Variants in NBEA observed in about 807,000 individuals in gnomAD.
NBEA encodes the protein lysosomal-trafficking regulator 2.
In NBEA, 44 loss-of-function variants were observed where a neutral mutation model predicts 343.4. The observed-to-expected ratio is 0.13, with a 90% CI of 0.10 to 0.16. The LOEUF (loss-of-function observed/expected upper bound fraction) is 0.16. Among genes scored for constraint, NBEA ranks in the 10% least tolerant of loss-of-function variants. The pLI is 1.00. For synonymous variants in NBEA, 1,175 were observed against 1,238.7 expected (o/e 0.95, Z 1.08); for missense variants, 2,555 against 3,631.3 (o/e 0.70, Z 7.62).
intron 41 of NBEA, among the ~76,000 whole-genome samples, chr13:35,544,006 G>A (rs947843699): frequency 6.6e-6 from 1 of 152,108 alleles, no homozygotes. Context: ...TCATATGAGT[G>A]TGGACCTGAA....
At chr13:35,473,278 A>G (rs2075733709) in intron 41 of NBEA, among the ~76,000 whole-genome samples, 1 of 152,116 alleles carries the variant, frequency 6.6e-6, no homozygotes. Flanking sequence ...CAATTTGCAA[A>G]CTTCTATTCT....
chr13:35,413,178 G>T (rs2043694516), intron 38 of NBEA, among the ~76,000 whole-genome samples: 1 of 152,086 alleles, frequency 6.6e-6, no homozygotes, highest in South Asian at 2.1e-4. Context: ...TAAGTTCAAA[G>T]TGATAGAAAA....
At chr13:35,658,876 G>T (rs1057352757) in intron 55 of NBEA, among the ~76,000 whole-genome samples, 1 of 152,014 alleles carries the variant, frequency 6.6e-6, no homozygotes, top group Non-Finnish European at 1.5e-5. Context: ...CATCTGTGTC[G>T]GTCTCTTCAC....
At chr13:35,380,554 T>TA (rs2041963840) in intron 38 of NBEA, among the ~76,000 whole-genome samples, 1 of 152,158 alleles carries the variant, frequency 6.6e-6, no homozygotes, top group African/African-American at 2.4e-5. Flanking sequence ...GAAGCTGCTG[T>TA]AAAAAATATC....
At chr13:34,987,341 T>C (rs1001243183) in intron 1 of NBEA, among the ~76,000 whole-genome samples, 1 of 151,168 alleles carries the variant, frequency 6.6e-6, no homozygotes, top group Non-Finnish European at 1.5e-5. Context: ...TTCTGGCTTG[T>C]AGAGTTTCTG....
chr13:35,642,701 T>C (rs1226413755), intron 49 of NBEA, among the ~76,000 whole-genome samples: 1 of 152,166 alleles, frequency 6.6e-6, no homozygotes, highest in Admixed American at 6.6e-5. Context: ...TGATGTGGTA[T>C]TGCCTGATCT....
chr13:35,643,409 A>G (rs1443464803), intron 49 of NBEA, among the ~76,000 whole-genome samples: 3 of 152,194 alleles, frequency 2.0e-5, no homozygotes, highest in African/African-American at 7.2e-5. Context: ...CTTGGCATAG[A>G]GTAAGCATTC....
intron 33 of NBEA, among the ~76,000 whole-genome samples, chr13:35,212,549 G>A (rs2073841436): frequency 6.6e-6 from 1 of 152,028 alleles, no homozygotes; most frequent in African/African-American, 2.4e-5. Flanking sequence ...TAGATAATTT[G>A]GAGTGTAATT....
Position 35,649,771 on chromosome 13 carries a change from C to A in NBEA, c.7887C>A (p.Pro2629=). The A allele has an allele frequency of 6.2e-7, 1 of 1,613,992 alleles. No individual in the cohort carries two copies. The highest frequency in any genetic ancestry group is 8.5e-7 in the Non-Finnish European group (1 of 1,179,886). ...PVTHVAANTL[P]HLTIPAVVTV... is the part of the protein sequence containing the mutation. ...CCCATGTGGCAGCCAACACTCTGCC[C>A]CACTTGACCATCCCCGCAGTGGTGA... is the stretch of plus-strand genomic sequence containing the variant. The change falls in exon 52 of 59, where the codon CCC becomes CCA. Residue 2629 remains proline, a synonymous_variant. Transcript: ENST00000379939.
intron 10 of NBEA, among the ~76,000 whole-genome samples, chr13:35,077,757 T>C (rs1250130943): frequency 6.6e-6 from 1 of 152,140 alleles, no homozygotes; most frequent in East Asian, 1.9e-4. Context: ...TCCTGTTGCC[T>C]CAGAACAAAG....
chr13:34,951,935 A>G (rs940473408), intron 1 of NBEA, among the ~76,000 whole-genome samples: 1 of 152,246 alleles, frequency 6.6e-6, no homozygotes. Flanking sequence ...ACATTAGCCT[A>G]TAGTTTAATA....
chr13:35,071,337 C>T (rs9543214), intron 10 of NBEA, among the ~76,000 whole-genome samples: 7,926 of 151,840 alleles, frequency 0.052, 265 homozygotes, highest in Non-Finnish European at 0.076. Context: ...TTGACATCAG[C>T]CCTTATTTAT....
intron 1 of NBEA, among the ~76,000 whole-genome samples, chr13:34,986,642 G>A (rs2060558448): frequency 6.6e-6 from 1 of 150,754 alleles, no homozygotes; most frequent in African/African-American, 2.4e-5. Flanking sequence ...GGGTGTTAAA[G>A]TCTCCCATTA....
chr13:35,009,762 C>A (rs547776827), intron 1 of NBEA, among the ~76,000 whole-genome samples: 1 of 152,236 alleles, frequency 6.6e-6, no homozygotes, highest in East Asian at 1.9e-4. Flanking sequence ...AGAGACACCA[C>A]CTGGAGATTT....
At chr13:35,471,125 T>G (rs1336387517) in intron 40 of NBEA, among the ~76,000 whole-genome samples, 2 of 152,188 alleles carry the variant, frequency 1.3e-5, no homozygotes, top group Non-Finnish European at 2.9e-5. Flanking sequence ...AGTTTGCTCC[T>G]TAGCCACCCC....
intron 40 of NBEA, among the ~76,000 whole-genome samples, chr13:35,462,374 A>T (rs1284470033): frequency 6.6e-6 from 1 of 152,190 alleles, no homozygotes; most frequent in Non-Finnish European, 1.5e-5. Flanking sequence ...TCCTTTCTTG[A>T]GTCTTGAAAA....
chr13:35,173,670 C>A (rs749806360), intron 27 of NBEA, 76 bp downstream of exon 27: 22 of 1,424,684 alleles, frequency 1.5e-5, no homozygotes, highest in Non-Finnish European at 2.1e-5. Context: ...GAACAAAGTG[C>A]CATGGTATTG....
chr13:35,405,568 C>T (rs1457821886), intron 38 of NBEA, among the ~76,000 whole-genome samples: 3 of 152,028 alleles, frequency 2.0e-5, no homozygotes, highest in African/African-American at 7.2e-5. Context: ...TGTGACATAG[C>T]TAATAAGACA....
intron 48 of NBEA, among the ~76,000 whole-genome samples, chr13:35,607,576 C>G (rs1182846600): frequency 6.6e-6 from 1 of 152,132 alleles, no homozygotes; most frequent in Non-Finnish European, 1.5e-5. Context: ...CATTCACTCC[C>G]AAGTTTTTCC....
Sources: allele counts gnomAD v4.1 joint callset (sites outside exome capture counted in the v4.1 genomes callset), GRCh38; gene constraint gnomAD v4.1.1; transcripts MANE v1.5; gene names NCBI Gene and HGNC (gene_info 2026-07-23, HGNC 2026-07-21).